The following MYL1 variants were observed in gnomAD, a reference collection of about 807,000 sequenced individuals.
MYL1 encodes the protein myosin light chain 1.
Under a neutral mutation model 21.8 loss-of-function variants are expected in MYL1, and 16 were observed. The ratio of observed to expected loss-of-function variants is 0.74; its 90% CI spans 0.50 to 1.12. The LOEUF (loss-of-function observed/expected upper bound fraction) is 1.12, where lower values mean the gene tolerates loss of function less well. MYL1 is among the 50% of genes most tolerant of loss of function. The pLI, the probability that MYL1 is intolerant of heterozygous loss-of-function variation, is 0.00. For missense variants in MYL1, 246 were observed against 241.0 expected, an observed-to-expected ratio of 1.02 and a Z score of -0.14; for synonymous variants, 99 against 85.2, an observed-to-expected ratio of 1.16 and a Z score of -0.89.
At chr2:210,297,861 T>C (rs1287052579) in intron 3 of MYL1, among the ~76,000 whole-genome samples, 1 of 151,852 alleles carries the variant, frequency 6.6e-6, no homozygotes, top group East Asian at 2.0e-4. Flanking sequence ...CAGCATGTAT[T>C]TTTCAGTTGC....
rs73067628 is a variant in MYL1, at chr2:210,303,078, C to T, written c.133-563G>A. On this transcript the variant is annotated intron_variant, in intron 1 of 6. Transcript: ENST00000352451. ...TTTAAGATATGTCTAATAAGATACA[C>T]GGTGTTAAAGTACAGATATACACAT... 8.1e-3 allele frequency: 3,580 copies of T among 444,442 alleles called. 114 individuals are homozygous for T. The highest frequency in any genetic ancestry group is 0.063 in the African/African-American group (3,153 of 49,790). The allele number at this position is 444,442 out of a possible 1,614,324, so 27.5% of individuals were successfully genotyped here.
chr2:210,298,517 C>A lies in MYL1; in HGVS notation c.207G>T (p.Lys69Asn). 6.2e-7 allele frequency: 1 copy of A among 1,614,066 alleles called. No homozygotes were observed. The change falls in exon 3 of 7, where the codon AAG becomes AAT. Residue 69 changes from lysine (K) to asparagine (N), a missense_variant. Physicochemically the swap from Lys to Asn is moderately conservative, Grantham distance 94. Coordinates refer to ENST00000352451, the MANE Select transcript of MYL1 (RefSeq NM_079420.3). The part of the protein sequence containing the change: ...FLLFDRTGDS[K>N]ITLSQVGDVL... ...CATCACCGACCTGGCTTAAGGTGAT[C>A]TTGGAATCACCTGTTCTGTCAAACA... is the stretch of plus-strand genomic sequence containing the variant.
intron 2 of MYL1, among the ~76,000 whole-genome samples, chr2:210,300,974 G>A (rs1385558463): frequency 6.6e-6 from 1 of 152,130 alleles, no homozygotes; most frequent in African/African-American, 2.4e-5. Flanking sequence ...AAAGAAAACA[G>A]TATACTACAC....
intron 5 of MYL1, among the ~76,000 whole-genome samples, 196 bp from the exon 6 acceptor site, chr2:210,291,270 A>G (rs1360497040): frequency 6.6e-6 from 1 of 152,090 alleles, no homozygotes; most frequent in East Asian, 1.9e-4. Flanking sequence ...TTGCAAATTA[A>G]TTTTTTGAAT....
chr2:210,311,035 T>C (rs1690411739), intron 1 of MYL1, among the ~76,000 whole-genome samples: 1 of 152,064 alleles, frequency 6.6e-6, no homozygotes, highest in African/African-American at 2.4e-5. Flanking sequence ...AAATTGTGGA[T>C]ACAATAACTT....
intron 1 of MYL1, 102 bp from the exon 2 acceptor site, chr2:210,302,617 C>G: frequency 6.7e-7 from 1 of 1,500,206 alleles, no homozygotes; most frequent in South Asian, 1.2e-5. Flanking sequence ...TCAAAGTAAG[C>G]TCCAAAAGTC....
intron 1 of MYL1, among the ~76,000 whole-genome samples, chr2:210,306,808 C>T (rs2125743481): frequency 6.6e-6 from 1 of 151,790 alleles, no homozygotes; most frequent in Non-Finnish European, 1.5e-5. Context: ...ACCTCTGCCT[C>T]CCAGGTTCAA....
At chr2:210,298,886 C>T (rs1156917035) in intron 2 of MYL1, among the ~76,000 whole-genome samples, 1 of 152,078 alleles carries the variant, frequency 6.6e-6, no homozygotes, top group African/African-American at 2.4e-5. Context: ...ATTCTAAGGC[C>T]TTGAGAAACT....
In MYL1 at chr2:210,294,419, C is replaced by T. The variant is rs1292974980; in HGVS notation, c.305-1G>A. On this transcript the variant is annotated splice_acceptor_variant, in intron 3 of 6. Coordinates refer to ENST00000352451, the MANE Select transcript of MYL1 (RefSeq NM_079420.3). LOFTEE classifies it high-confidence loss of function. ...AACTCAATTTTCTTGGCATTCAGCTCTGTAAGAAATTGCAATTTTGAGGGT... is the reference window on the plus strand; with the variant it reads ...AACTCAATTTTCTTGGCATTCAGCTTTGTAAGAAATTGCAATTTTGAGGGT... The T allele has an allele frequency of 5.6e-6, 9 of 1,612,044 alleles. No homozygotes were observed. The highest frequency in any genetic ancestry group is 1.1e-5 in the South Asian group (1 of 90,792).
intron 1 of MYL1, among the ~76,000 whole-genome samples, chr2:210,308,399 A>AATATATAGATAT (rs1690370148): frequency 1.2e-5 from 1 of 84,764 alleles, no homozygotes; most frequent in African/African-American, 5.4e-5. Context: ...TACTTAGGCT[A>AATATATAGATAT]ATATATATAT....
At chr2:210,296,460 A>G (rs1328844607) in intron 3 of MYL1, among the ~76,000 whole-genome samples, 1 of 152,114 alleles carries the variant, frequency 6.6e-6, no homozygotes, top group Non-Finnish European at 1.5e-5. Flanking sequence ...CGTTAAAGAT[A>G]GATGTTTGGT....
chr2:210,310,588 A>C (rs1690404522), intron 1 of MYL1, among the ~76,000 whole-genome samples: 1 of 152,124 alleles, frequency 6.6e-6, no homozygotes, highest in African/African-American at 2.4e-5. Context: ...TCTTATAGGA[A>C]GACGGAACAA....
In MYL1 at chr2:210,294,411, A is replaced by G; in HGVS notation, c.312T>C (p.Asn104=). 4 of 1,613,550 alleles carry G rather than the reference A, an allele frequency of 2.5e-6. No individual in the cohort carries two copies. Among genetic ancestry groups the G allele is most frequent in the Non-Finnish European group, 3.4e-6 (4 of 1,179,684 alleles). Residue 104 remains asparagine, a synonymous_variant, in exon 4 of 7, where the codon AAT becomes AAC. Coordinates refer to ENST00000352451, the MANE Select transcript of MYL1 (RefSeq NM_079420.3). ...VLGNPSNEEL[N]AKKIEFEQFL... is the part of the protein sequence containing the mutation. ...ATTGTTCAAACTCAATTTTCTTGGC[A>G]TTCAGCTCTGTAAGAAATTGCAATT...
intron 3 of MYL1, among the ~76,000 whole-genome samples, chr2:210,295,356 A>G (rs1263974901): frequency 1.3e-5 from 2 of 152,118 alleles, no homozygotes; most frequent in Non-Finnish European, 2.9e-5. Context: ...GGTTTCAGCC[A>G]GGTGCAGTGG....
chr2:210,305,642 C>T (rs1012379459), intron 1 of MYL1, among the ~76,000 whole-genome samples: 3 of 151,836 alleles, frequency 2.0e-5, no homozygotes, highest in African/African-American at 7.3e-5. Flanking sequence ...ATCAAAATTG[C>T]CCTACTAAAC....
Position 210,291,753 on chromosome 2 carries a change from A to G in MYL1, c.557-679T>C, listed in dbSNP as rs563100338. On this transcript the variant is annotated intron_variant, in intron 5 of 6. Transcript: ENST00000352451. ...CATTCGATTGTTTTCACATTGATAC[A>G]TTGATGAAATTATACTTTGATGGAC... Among the ~76,000 whole-genome samples the G allele has an allele frequency of 5.3e-5, 8 of 151,546 alleles. No individual in the cohort carries two copies. The South Asian group carries it at 1.2e-3, about 24-fold the overall frequency.
chr2:210,306,148 A>C (rs1690338744), intron 1 of MYL1, among the ~76,000 whole-genome samples: 1 of 152,134 alleles, frequency 6.6e-6, no homozygotes, highest in Non-Finnish European at 1.5e-5. Flanking sequence ...TGGGAGGCCT[A>C]GGTGGGCAGA....
At chr2:210,290,971 A>G (rs1290993346) in intron 6 of MYL1, 61 bp downstream of exon 6, 2 of 1,139,612 alleles carry the variant, frequency 1.8e-6, no homozygotes, top group East Asian at 2.4e-5. Flanking sequence ...TGAAGCTGTC[A>G]AGTTTTAAAA....
At chr2:210,293,018 C>G (rs1428229753) in intron 5 of MYL1, among the ~76,000 whole-genome samples, 1 of 148,074 alleles carries the variant, frequency 6.8e-6, no homozygotes, top group Non-Finnish European at 1.5e-5. Context: ...CTCCTTTCTT[C>G]CCCTCTCATT....
Sources: allele counts gnomAD v4.1 joint callset (sites outside exome capture counted in the v4.1 genomes callset), GRCh38; gene constraint gnomAD v4.1.1; transcripts MANE v1.5; gene names NCBI Gene and HGNC (gene_info 2026-07-23, HGNC 2026-07-21).